The following XRN1 variants were observed in gnomAD, a reference collection of about 807,000 sequenced individuals.
XRN1 encodes the protein 5'-3' exoribonuclease 1.
A neutral mutation model predicts 222.3 loss-of-function variants in XRN1; 67 were observed. That is an observed-to-expected ratio of 0.30 (90% CI 0.25 to 0.37). The LOEUF (loss-of-function observed/expected upper bound fraction) is 0.37, where lower values mean the gene tolerates loss of function less well. Among genes scored for constraint, XRN1 ranks in the 10% least tolerant of loss-of-function variants. The pLI, the probability that XRN1 is intolerant of heterozygous loss-of-function variation, is 1.00. For synonymous variants in XRN1, 643 were observed against 652.4 expected (o/e 0.99, Z 0.22); for missense variants, 1,707 against 2,000.2 (o/e 0.85, Z 2.80).
intron 2 of XRN1, among the ~76,000 whole-genome samples, chr3:142,427,088 G>C (rs2069288677): frequency 6.6e-6 from 1 of 152,072 alleles, no homozygotes; most frequent in Non-Finnish European, 1.5e-5. Flanking sequence ...TCAATATTTT[G>C]GGAGGCCAAG....
chr3:142,347,434 T>C (rs2066176583), intron 32 of XRN1, 92 bp from the exon 33 acceptor site: 1 of 836,078 alleles, frequency 1.2e-6, no homozygotes, highest in Non-Finnish European at 1.7e-6. Context: ...TTTATAAAAA[T>C]TATATAGTTC....
rs2065055991 is a variant in XRN1 at position 142,310,693 on chromosome 3, T to C, written c.*818A>G. 1 of 152,768 alleles carries C rather than the reference T, an allele frequency of 6.5e-6. No individual in the cohort carries two copies. Among genetic ancestry groups the C allele is most frequent in the Admixed American group, 6.5e-5 (1 of 15,298 alleles). 9.5% of individuals were successfully genotyped at this position (152,768 alleles called of 1,614,324 possible). ...AAATAATACAGTTTATTAATTAACA[T>C]GACTAATATTTCATATTTTATTTTG... On this transcript the variant is annotated 3_prime_UTR_variant, in exon 41 of 41. Coordinates refer to ENST00000392981, the MANE Select transcript of XRN1 (RefSeq NM_001282857.2).
intron 1 of XRN1, among the ~76,000 whole-genome samples, chr3:142,436,521 G>A (rs1359002985): frequency 3.9e-5 from 6 of 152,142 alleles, no homozygotes; most frequent in Admixed American, 2.0e-4. Flanking sequence ...AATTTGAAAC[G>A]TGTATCTTTG....
At chr3:142,423,378 AAAG>A (rs1169678393) in intron 6 of XRN1, among the ~76,000 whole-genome samples, 179 bp downstream of exon 6, 8 of 152,196 alleles carry the variant, frequency 5.3e-5, no homozygotes, top group Non-Finnish European at 7.4e-5. Flanking sequence ...ACTCCTAAAA[AAAG>A]AAGAATAAAT....
At position 142,323,439 on chromosome 3, in the gene XRN1, C is replaced by T. The variant is rs1398256773; in HGVS notation, c.4405-4536G>A. 9.2e-5 allele frequency among the ~76,000 whole-genome samples: 14 copies of T among 152,064 alleles called. No individual in the cohort carries two copies. In the South Asian group the frequency reaches 1.7e-3, roughly 18 times the overall value. ...TCAAGTGATCCGCCTGCCTTGGCCT[C>T]CCAAAGTGCTGGGATTACAGACGTG... On this transcript the variant is annotated intron_variant, in intron 37 of 40. Transcript: ENST00000392981.
intron 39 of XRN1, among the ~76,000 whole-genome samples, chr3:142,315,794 C>T (rs1270407065): frequency 2.0e-5 from 3 of 152,226 alleles, no homozygotes; most frequent in East Asian, 1.9e-4. Flanking sequence ...GGATTACAAG[C>T]GTGAGCCACT....
At chr3:142,385,054 G>A (rs1375752150) in intron 20 of XRN1, among the ~76,000 whole-genome samples, 1 of 152,154 alleles carries the variant, frequency 6.6e-6, no homozygotes, top group Non-Finnish European at 1.5e-5. Context: ...CAGCTGTTGT[G>A]GAAAACGGTT....
At chr3:142,434,793 A>G (rs2069798218) in intron 1 of XRN1, among the ~76,000 whole-genome samples, 1 of 152,152 alleles carries the variant, frequency 6.6e-6, no homozygotes, top group South Asian at 2.1e-4. Context: ...GAATCAAAGG[A>G]AATTTGCCCT....
At chr3:142,446,732 CG>C (rs368807061) in intron 1 of XRN1, among the ~76,000 whole-genome samples, 4 of 151,982 alleles carry the variant, frequency 2.6e-5, no homozygotes, top group African/African-American at 9.7e-5. Flanking sequence ...TAGCCCTCCC[CG>C]GGGGAAAAAA....
chr3:142,420,574 G>A lies in XRN1; in HGVS notation c.1173+442C>T, dbSNP rs373397103. Among the ~76,000 whole-genome samples, 25 of 152,066 alleles carry A rather than the reference G, an allele frequency of 1.6e-4. 1 individual carries two copies. The East Asian group carries it at 1.9e-3, about 12-fold the overall frequency. ...TTTAGTAGAGATGGGGTTTCGCCAC[G>A]TTGGCCAGGCTGGTCTCAAACTCCT... On this transcript the variant is annotated intron_variant, in intron 10 of 40. Coordinates refer to ENST00000392981, the MANE Select transcript of XRN1 (RefSeq NM_001282857.2).
chr3:142,389,796 A>G (rs2067648581), intron 20 of XRN1, among the ~76,000 whole-genome samples: 2 of 152,240 alleles, frequency 1.3e-5, no homozygotes, highest in African/African-American at 2.4e-5. Context: ...CTGGGATTAC[A>G]GGCATGTGCC....
chr3:142,395,411 C>A (rs1426601105), intron 20 of XRN1, among the ~76,000 whole-genome samples: 1 of 152,198 alleles, frequency 6.6e-6, no homozygotes, highest in African/African-American at 2.4e-5. Context: ...AGAAACTATT[C>A]TCGAGTGAAC....
chr3:142,344,616 T>G (rs368570276), intron 33 of XRN1, among the ~76,000 whole-genome samples: 13 of 150,508 alleles, frequency 8.6e-5, no homozygotes, highest in African/African-American at 3.2e-4. Context: ...AAATGAACAA[T>G]CAAAAAATAA....
rs1412389756 is a variant in XRN1 at position 142,433,399 on chromosome 3, G to A, written c.76-506C>T. Among the ~76,000 whole-genome samples, 2 of 152,150 alleles carry A rather than the reference G, an allele frequency of 1.3e-5. 1 individual carries two copies. Among genetic ancestry groups the A allele is most frequent in the Admixed American group, 1.3e-4 (2 of 15,270 alleles). On this transcript the variant is annotated intron_variant, in intron 1 of 40. Coordinates refer to ENST00000392981, the MANE Select transcript of XRN1 (RefSeq NM_001282857.2). ...GATTGGTTATATTAATTTTTAAAAT[G>A]TTAGATTATGCCAAGAAATTTATGA...
At chr3:142,417,034 AAAAT>A in intron 13 of XRN1, 102 bp downstream of exon 13, 2 of 824,642 alleles carry the variant, frequency 2.4e-6, no homozygotes, top group Non-Finnish European at 3.6e-6. Flanking sequence ...AAAAAAAAAA[AAAAT>A]TACCATAAGT....
In XRN1 at chr3:142,408,917, C is replaced by T. The variant is rs72990446; in HGVS notation, c.1713+3627G>A. On this transcript the variant is annotated intron_variant, in intron 15 of 40. Coordinates refer to ENST00000392981, the MANE Select transcript of XRN1 (RefSeq NM_001282857.2). ...GGATTATGGTATAGTGGTATCTTAT[C>T]ATGCTTTTAATTTACATTTACCTGA... 7.8e-3 allele frequency among the ~76,000 whole-genome samples: 1,187 copies of T among 152,216 alleles called. 11 individuals are homozygous for T. Among genetic ancestry groups the T allele is most frequent in the African/African-American group, 0.028 (1,145 of 41,534 alleles).
At chr3:142,414,779 G>A (rs567107486) in intron 13 of XRN1, among the ~76,000 whole-genome samples, 1 of 152,354 alleles carries the variant, frequency 6.6e-6, no homozygotes, top group Admixed American at 6.5e-5. Flanking sequence ...ACAGGCGTAA[G>A]CCACTGCGCC....
At chr3:142,315,512 CT>C (rs67808281) in intron 39 of XRN1, among the ~76,000 whole-genome samples, 29,771 of 140,516 alleles carry the variant, frequency 0.21, 2,639 homozygotes, top group Middle Eastern at 0.29. Flanking sequence ...TTTTCTTTTT[CT>C]TTTTTTTTTT....
intron 20 of XRN1, among the ~76,000 whole-genome samples, chr3:142,391,234 A>T (rs2067701099): frequency 6.6e-6 from 1 of 152,204 alleles, no homozygotes; most frequent in Admixed American, 6.5e-5. Flanking sequence ...GTAAAAAAAA[A>T]TGCAACTATC....
Sources: allele counts gnomAD v4.1 joint callset (sites outside exome capture counted in the v4.1 genomes callset), GRCh38; gene constraint gnomAD v4.1.1; transcripts MANE v1.5; gene names NCBI Gene and HGNC (gene_info 2026-07-23, HGNC 2026-07-21).